The following PTPRG variants were observed in gnomAD, a reference collection of about 807,000 sequenced individuals.
The protein encoded by PTPRG is protein tyrosine phosphatase receptor type G, also known as receptor-type tyrosine-protein phosphatase gamma.
PTPRG carries 102 observed loss-of-function variants against 165.3 expected under a neutral mutation model. That is an observed-to-expected ratio of 0.62 (90% CI 0.53 to 0.73). The LOEUF (loss-of-function observed/expected upper bound fraction) is 0.73. Ranked by LOEUF, PTPRG falls within the 30% of genes least tolerant of loss-of-function variation. The pLI is 0.00. For synonymous variants in PTPRG, 675 were observed against 669.5 expected, an observed-to-expected ratio of 1.01 and a Z score of -0.13; for missense variants, 1,866 against 1,861.4, an observed-to-expected ratio of 1.00 and a Z score of -0.05.
At chr3:62,247,971 T>C (rs1410475830) in intron 15 of PTPRG, among the ~76,000 whole-genome samples, 1 of 152,162 alleles carries the variant, frequency 6.6e-6, no homozygotes, top group East Asian at 1.9e-4. Flanking sequence ...GGATATTCAG[T>C]GTGTTCTTCT....
chr3:61,577,716 C>G (rs868741722), intron 1 of PTPRG, among the ~76,000 whole-genome samples: 1 of 152,160 alleles, frequency 6.6e-6, no homozygotes, highest in Non-Finnish European at 1.5e-5. Context: ...GTCTAGAGAG[C>G]TCTTTCCAAC....
At position 62,195,390 on chromosome 3, in the gene PTPRG, T is replaced by G. The variant is rs1303026351; in HGVS notation, c.1327+220T>G. 6.6e-6 allele frequency among the ~76,000 whole-genome samples: 1 copy of G among 152,142 alleles called. No homozygotes were observed. Among genetic ancestry groups the G allele is most frequent in the Non-Finnish European group, 1.5e-5 (1 of 68,030 alleles). ...GGGAGAAAAAACAAAACATTTTTGA[T>G]TGTTTTATTGTTATTTTCCAACTGT... On this transcript the variant is annotated intron_variant, in intron 10 of 29. Coordinates refer to ENST00000474889, the MANE Select transcript of PTPRG (RefSeq NM_002841.4). This position sits in a 1 kb window ranked among gnomAD's most constrained non-coding sequence, Gnocchi z 4.4.
At chr3:61,733,066 A>G (rs1180144252) in intron 1 of PTPRG, among the ~76,000 whole-genome samples, 1 of 152,220 alleles carries the variant, frequency 6.6e-6, no homozygotes, top group African/African-American at 2.4e-5. Context: ...AGGACAGTCA[A>G]AAACATACTG....
At chr3:61,700,959 C>T (rs899302201) in intron 1 of PTPRG, among the ~76,000 whole-genome samples, 1 of 152,128 alleles carries the variant, frequency 6.6e-6, no homozygotes, top group Admixed American at 6.5e-5. Context: ...GGTCAAAAGG[C>T]CCTATCATGT....
At position 62,147,783 on chromosome 3, in the gene PTPRG, G is replaced by A. The variant is rs563178347; in HGVS notation, c.683-9284G>A. Among the ~76,000 whole-genome samples, 19 of 152,288 alleles carry A rather than the reference G, an allele frequency of 1.2e-4. No homozygotes were observed. In the East Asian group the frequency reaches 3.1e-3, roughly 25 times the overall value. ...GGATATATGTACAGGCAAGGTCTTC[G>A]CTCTTGTGGAATAATCAAGCTGTTG... On this transcript the variant is annotated intron_variant, in intron 6 of 29. Transcript: ENST00000474889.
At chr3:61,842,698 A>G (rs1165786473) in intron 2 of PTPRG, among the ~76,000 whole-genome samples, 38 of 144,358 alleles carry the variant, frequency 2.6e-4, no homozygotes, top group African/African-American at 7.9e-4. Context: ...AAAAAAAAAA[A>G]AAAAAGAAAA....
At chr3:61,753,101 T>G (rs989272328) in intron 2 of PTPRG, among the ~76,000 whole-genome samples, 5 of 152,188 alleles carry the variant, frequency 3.3e-5, no homozygotes, top group African/African-American at 1.2e-4. Context: ...ACTGGAAGAT[T>G]TGTTGTTTCT....
Position 62,078,249 on chromosome 3 carries a change from AT to A in PTPRG, c.612del (p.Gln205LysfsTer17). 6.3e-7 allele frequency: 1 copy of A among 1,593,912 alleles called. No individual in the cohort carries two copies. Among genetic ancestry groups the A allele is most frequent in the South Asian group, 1.1e-5 (1 of 87,048 alleles). ...ENRIIGAMAIFFQVSPRDNSA... is the reference protein window; with the variant it reads ...ENRIIGAMAIXFQVSPRDNSA... Reference sequence around the variant, plus strand: ...ACAGAATAATCGGAGCCATGGCCATATTTTTTCAAGTAAGTTAACAGTGGCT... The same window carrying A: ...ACAGAATAATCGGAGCCATGGCCATATTTTTCAAGTAAGTTAACAGTGGCT... On this transcript the variant is annotated frameshift_variant, in exon 5 of 30. Transcript: ENST00000474889. LOFTEE classifies it high-confidence loss of function.
intron 1 of PTPRG, among the ~76,000 whole-genome samples, chr3:61,665,745 T>C (rs1702795527): frequency 6.6e-6 from 1 of 152,132 alleles, no homozygotes; most frequent in South Asian, 2.1e-4. Flanking sequence ...GGAGGATCGC[T>C]TGAGCCCAGG....
intron 4 of PTPRG, among the ~76,000 whole-genome samples, chr3:62,069,684 T>TCTCTCTCTCTCTCTCTCTCTCACACACA (rs542306888): frequency 6.9e-6 from 1 of 144,962 alleles, no homozygotes; most frequent in East Asian, 2.2e-4. Context: ...TCTCTCTCTC[T>TCTCTCTCTCTCTCTCTCTCTCACACACA]CACACACAGA....
chr3:62,166,943 A>C (rs1705010823), intron 7 of PTPRG, among the ~76,000 whole-genome samples: 1 of 152,100 alleles, frequency 6.6e-6, no homozygotes, highest in Non-Finnish European at 1.5e-5. Context: ...TCAGCCTCCC[A>C]AAGTGCTGGA....
chr3:61,633,646 A>G (rs561144527), intron 1 of PTPRG, among the ~76,000 whole-genome samples: 1 of 152,252 alleles, frequency 6.6e-6, no homozygotes, highest in East Asian at 1.9e-4. Flanking sequence ...AAATAGTTTT[A>G]CTTATTCTTT....
chr3:62,285,481 G>C (rs1428834171), intron 28 of PTPRG, among the ~76,000 whole-genome samples: 1 of 119,554 alleles, frequency 8.4e-6, no homozygotes, highest in Admixed American at 1.1e-4. Context: ...GGTCTTCATA[G>C]AGATCTTTTT....
rs73838883 is a variant in PTPRG, at chr3:61,653,719, A to T, written c.85+91347A>T. On this transcript the variant is annotated intron_variant, in intron 1 of 29. Transcript: ENST00000474889. ...CCTGCCCTTTCAACTTTCTTTGCTC[A>T]TCAGGGTAACCTCTTCCTGTATAAG... 9.1e-3 allele frequency among the ~76,000 whole-genome samples: 1,385 copies of T among 152,190 alleles called. 27 individuals carry two copies. Among genetic ancestry groups the T allele is most frequent in the African/African-American group, 0.029 (1,202 of 41,508 alleles).
chr3:61,661,636 T>G (rs1702671638), intron 1 of PTPRG, among the ~76,000 whole-genome samples: 1 of 152,256 alleles, frequency 6.6e-6, no homozygotes, highest in African/African-American at 2.4e-5. Flanking sequence ...TCTATTCCTT[T>G]TATTTTTAAC....
chr3:62,108,198 C>A (rs866929714), intron 5 of PTPRG, among the ~76,000 whole-genome samples: 1 of 151,960 alleles, frequency 6.6e-6, no homozygotes, highest in African/African-American at 2.4e-5. Context: ...CTCCCCCAGC[C>A]CCCCACCCCG....
intron 1 of PTPRG, among the ~76,000 whole-genome samples, chr3:61,588,614 T>G (rs1243278387): frequency 1.3e-5 from 2 of 152,080 alleles, no homozygotes; most frequent in Non-Finnish European, 2.9e-5. Flanking sequence ...CCCTGCTAAT[T>G]TTTTGTATTG....
chr3:61,680,643 A>T lies in PTPRG; in HGVS notation c.86-68235A>T, dbSNP rs543087146. On this transcript the variant is annotated intron_variant, in intron 1 of 29. Transcript: ENST00000474889. Reference sequence around the variant, plus strand: ...CAAAAAAAATAGGAGATCAAGGGGGAAAAAAAAAAGAGGGCATGGAAAAAC... The same window carrying T: ...CAAAAAAAATAGGAGATCAAGGGGGTAAAAAAAAAGAGGGCATGGAAAAAC... 1.2e-3 allele frequency among the ~76,000 whole-genome samples: 176 copies of T among 146,732 alleles called. 2 individuals carry two copies. The highest frequency in any genetic ancestry group is 1.2e-3 in the Non-Finnish European group (77 of 66,580).
intron 4 of PTPRG, among the ~76,000 whole-genome samples, chr3:62,008,205 A>C (rs2041341450): frequency 6.6e-6 from 1 of 152,236 alleles, no homozygotes; most frequent in Admixed American, 6.5e-5. Flanking sequence ...TATTTCCACT[A>C]ATAACCAAAG....
Sources: gnomAD v4.1 joint callset for allele counts (sites outside exome capture counted in the v4.1 genomes callset) on GRCh38, gnomAD v4.1.1 for gene constraint, Gnocchi (gnomAD v3.1) non-coding constraint, MANE v1.5 for transcripts, NCBI Gene and HGNC (gene_info 2026-07-23, HGNC 2026-07-21) for gene names.